PUM1: variants seen among roughly 807,000 people sequenced by gnomAD.
PUM1 encodes pumilio RNA binding family member 1, also known as pumilio homolog 1.
PUM1 carries 13 observed loss-of-function variants against 131.8 expected under a neutral mutation model. That is an observed-to-expected ratio of 0.10 (90% CI 0.06 to 0.16). The LOEUF is 0.16. Ranked by LOEUF, PUM1 falls within the 10% of genes least tolerant of loss-of-function variation. The pLI is 1.00. For missense variants in PUM1, 961 were observed against 1,512.4 expected (o/e 0.64, Z 6.05); for synonymous variants, 509 against 556.5 (o/e 0.91, Z 1.20).
At chr1:31,018,762 T>A (rs1642915423) in intron 3 of PUM1, among the ~76,000 whole-genome samples, 2 of 152,216 alleles carry the variant, frequency 1.3e-5, no homozygotes, top group Admixed American at 1.3e-4. Context: ...CATAAGCCAG[T>A]CTATCATTGG....
chr1:31,045,108 A>C (rs1026540119), intron 2 of PUM1, among the ~76,000 whole-genome samples: 5 of 146,894 alleles, frequency 3.4e-5, no homozygotes, highest in Non-Finnish European at 7.4e-5. Context: ...GGAATTATAC[A>C]CTTTAAATGG....
chr1:31,030,133 C>T (rs2124549185), intron 2 of PUM1, among the ~76,000 whole-genome samples: 1 of 151,768 alleles, frequency 6.6e-6, no homozygotes, highest in African/African-American at 2.4e-5. Flanking sequence ...CACTTGAACC[C>T]GGGAGGCAGA....
chr1:30,960,626 G>A (rs755377210), intron 14 of PUM1, among the ~76,000 whole-genome samples: 1 of 152,026 alleles, frequency 6.6e-6, no homozygotes, highest in Non-Finnish European at 1.5e-5. Flanking sequence ...AGATAAAACC[G>A]GAACATAATT....
chr1:30,943,332 G>A (rs1210669294), intron 18 of PUM1, among the ~76,000 whole-genome samples: 6 of 151,590 alleles, frequency 4.0e-5, no homozygotes, highest in East Asian at 3.9e-4. Context: ...GCACCATCTC[G>A]GCTCACTGCA....
chr1:31,065,235 C>A (rs1644457783), intron 1 of PUM1, among the ~76,000 whole-genome samples: 1 of 152,080 alleles, frequency 6.6e-6, no homozygotes, highest in Non-Finnish European at 1.5e-5. Context: ...CACTTCATGG[C>A]CACACAGAAG....
At chr1:30,935,245 G>A (rs547554177) in intron 21 of PUM1, among the ~76,000 whole-genome samples, 9 of 152,266 alleles carry the variant, frequency 5.9e-5, no homozygotes, top group South Asian at 2.1e-4. Flanking sequence ...GATACAACAC[G>A]GTCTGGTCTC....
intron 13 of PUM1, 113 bp from the exon 14 acceptor site, chr1:30,965,023 A>C: frequency 1.3e-6 from 1 of 771,058 alleles, no homozygotes; most frequent in East Asian, 2.6e-5. Flanking sequence ...CAAATTTGTC[A>C]GCAGAGACAG....
intron 2 of PUM1, among the ~76,000 whole-genome samples, chr1:31,054,754 T>C (rs1466690537): frequency 6.6e-6 from 1 of 152,206 alleles, no homozygotes; most frequent in African/African-American, 2.4e-5. Context: ...TATAGGAGAA[T>C]GGTCAACATT....
At chr1:30,968,789 ATTAAG>A (rs1640735818) in intron 10 of PUM1, among the ~76,000 whole-genome samples, 1 of 152,342 alleles carries the variant, frequency 6.6e-6, no homozygotes, top group Admixed American at 6.5e-5. Context: ...TCTTGTGACA[ATTAAG>A]TTAAAAGATG....
chr1:31,004,706 C>T (rs1266120540), intron 5 of PUM1, among the ~76,000 whole-genome samples: 1 of 151,890 alleles, frequency 6.6e-6, no homozygotes. Context: ...GAAAGCTGCA[C>T]CAAAAATGAA....
At chr1:31,041,536 G>A (rs1027079474) in intron 2 of PUM1, among the ~76,000 whole-genome samples, 4 of 152,074 alleles carry the variant, frequency 2.6e-5, no homozygotes, top group Admixed American at 6.6e-5. Flanking sequence ...TGTAGTGTCT[G>A]GGTCATGGGG....
chr1:31,050,116 C>A (rs1388214180), intron 2 of PUM1, among the ~76,000 whole-genome samples: 1 of 152,072 alleles, frequency 6.6e-6, no homozygotes, highest in Non-Finnish European at 1.5e-5. Context: ...CAGGCGTGAG[C>A]CAATTGCAAC....
intron 5 of PUM1, among the ~76,000 whole-genome samples, chr1:30,996,399 A>C (rs1325169408): frequency 6.6e-6 from 1 of 152,154 alleles, no homozygotes; most frequent in African/African-American, 2.4e-5. Context: ...TTATAAATAG[A>C]CTGACTGTGG....
At chr1:31,012,274 G>A (rs1642647168) in intron 3 of PUM1, among the ~76,000 whole-genome samples, 1 of 151,610 alleles carries the variant, frequency 6.6e-6, no homozygotes, top group Non-Finnish European at 1.5e-5. Flanking sequence ...TGTTGTTCTG[G>A]TTAGTGTGGG....
chr1:31,034,552 G>T (rs533409606), intron 2 of PUM1, among the ~76,000 whole-genome samples: 8 of 152,230 alleles, frequency 5.3e-5, no homozygotes, highest in East Asian at 1.9e-4. Flanking sequence ...ATAGAGAAAA[G>T]AAATGTGCTG....
chr1:31,020,975 G>A (rs973314517), intron 3 of PUM1, among the ~76,000 whole-genome samples: 3 of 152,074 alleles, frequency 2.0e-5, no homozygotes, highest in African/African-American at 7.2e-5. Flanking sequence ...GAAAGCAATG[G>A]AACAAAAGTA....
chr1:30,966,204 G>A lies in PUM1; in HGVS notation c.1864C>T (p.Pro622Ser), dbSNP rs1320924326. The A allele has an allele frequency of 6.2e-7, 1 of 1,614,020 alleles. No homozygotes were observed. Among genetic ancestry groups the A allele is most frequent in the Admixed American group, 1.7e-5 (1 of 60,024 alleles). ...GGCTGAGGCTGCTGTGTTCCTAAAG[G>A]GCGAAATGGTCCATTTGTTGTTCCA... is the stretch of plus-strand genomic sequence containing the variant. ...LAGTTNGPFRPLGTQQPQPQP... is the reference protein window; with the variant it reads ...LAGTTNGPFRSLGTQQPQPQP... Residue 622 changes from proline to serine, a missense_variant, in exon 13 of 22, where the codon CCT (proline) becomes TCT (serine). By Grantham distance (74) the Pro-to-Ser change is moderately conservative (BLOSUM62 -1). Around this residue, in one of 4 missense-constraint regions of PUM1, gnomAD observed 654 missense variants for 923.9 expected, o/e 0.71. Coordinates refer to ENST00000426105, the MANE Select transcript of PUM1 (RefSeq NM_001020658.2).
intron 5 of PUM1, 26 bp downstream of exon 5, chr1:31,005,827 G>GAGAGAGA (rs766405035): frequency 2.0e-6 from 3 of 1,527,224 alleles, no homozygotes; most frequent in East Asian, 2.3e-5. Flanking sequence ...GAGAGAGATA[G>GAGAGAGA]GAACAAGTTC....
Position 30,966,471 on chromosome 1 carries a change from A to C in PUM1, c.1790-193T>G, listed in dbSNP as rs1640624502. ...GTTTCTACTTTCAATTTGAACTCAA[A>C]ATACCACTAGAACAAGTTCACTATG... On this transcript the variant is annotated intron_variant, in intron 12 of 21. Coordinates refer to ENST00000426105, the MANE Select transcript of PUM1 (RefSeq NM_001020658.2). 6.9e-6 allele frequency: 4 copies of C among 576,274 alleles called. No homozygotes were observed. The Admixed American group carries it at 1.4e-4, about 20-fold the overall frequency. 35.7% of individuals were successfully genotyped at this position (576,274 alleles called of 1,614,324 possible).
Sources: gnomAD v4.1 joint callset for allele counts (sites outside exome capture counted in the v4.1 genomes callset) on GRCh38, gnomAD v4.1.1 for gene constraint, gnomAD v4.1.1 regional missense constraint, MANE v1.5 for transcripts, NCBI Gene and HGNC (gene_info 2026-07-23, HGNC 2026-07-21) for gene names.